The following DAB1 variants were observed in gnomAD, a reference collection of about 807,000 sequenced individuals.
The protein encoded by DAB1 is disabled homolog 1.
A neutral mutation model predicts 64.6 loss-of-function variants in DAB1; 15 were observed. The observed-to-expected ratio is 0.23, with a 90% CI of 0.16 to 0.36. The LOEUF is 0.36. Ranked by LOEUF, DAB1 falls within the 10% of genes least tolerant of loss-of-function variation. DAB1 has a pLI of 1.00. For synonymous variants in DAB1, 235 were observed against 251.9 expected (o/e 0.93, Z 0.64); for missense variants, 596 against 706.7 (o/e 0.84, Z 1.78).
chr1:57,792,762 A>T (rs1184164628), intron 6 of DAB1, among the ~76,000 whole-genome samples: 15 of 152,224 alleles, frequency 9.9e-5, no homozygotes, highest in Admixed American at 9.8e-4. Context: ...AATTGTTTAG[A>T]GAGCTTGGTT....
chr1:58,216,014 T>A (rs2100305700), intron 4 of DAB1, among the ~76,000 whole-genome samples: 1 of 152,290 alleles, frequency 6.6e-6, no homozygotes, highest in South Asian at 2.1e-4. Context: ...AACAGATGGA[T>A]GGATTGCAAC....
chr1:58,388,598 C>A (rs1177824478), intron 3 of DAB1, among the ~76,000 whole-genome samples: 1 of 152,212 alleles, frequency 6.6e-6, no homozygotes, highest in African/African-American at 2.4e-5. Context: ...TGCACTAGCT[C>A]AAGATCATCT....
intron 2 of DAB1, among the ~76,000 whole-genome samples, chr1:57,207,645 G>GT (rs1347314919): frequency 6.7e-6 from 1 of 149,692 alleles, no homozygotes; most frequent in East Asian, 2.0e-4. Context: ...GGGTTTCACC[G>GT]TTTTTAGCCG....
chr1:57,116,906 T>C (rs1188776688), intron 4 of DAB1, among the ~76,000 whole-genome samples: 1 of 152,214 alleles, frequency 6.6e-6, no homozygotes, highest in Non-Finnish European at 1.5e-5. Context: ...CATATATCTT[T>C]CAGTACAAAG....
intron 1 of DAB1, among the ~76,000 whole-genome samples, chr1:58,540,282 G>GA (rs142462867): frequency 0.14 from 20,054 of 144,736 alleles, 1,474 homozygotes; most frequent in African/African-American, 0.2. Flanking sequence ...TGCATCCCAG[G>GA]AAAAAAAAAA....
intron 1 of DAB1, chr1:57,866,473 C>A (rs191980665): frequency 6.6e-6 from 1 of 152,256 alleles, no homozygotes; most frequent in African/African-American, 2.4e-5. Context: ...GTTTGTCATT[C>A]TTTGAGTGCT....
At chr1:58,276,859 C>A (rs1378046912) in intron 4 of DAB1, among the ~76,000 whole-genome samples, 2 of 151,876 alleles carry the variant, frequency 1.3e-5, no homozygotes, top group Non-Finnish European at 2.9e-5. Context: ...TCATGTAGAT[C>A]ACGAGATCAT....
chr1:57,636,500 A>G (rs10889060), intron 7 of DAB1, among the ~76,000 whole-genome samples: 120,965 of 152,062 alleles, frequency 0.8, 48,356 homozygotes, highest in Non-Finnish European at 0.84. Flanking sequence ...TGAAAGCTAA[A>G]CAATCAGTCA....
At chr1:57,086,644 A>AACACACACACACACACACACAC (rs368060919) in intron 4 of DAB1, among the ~76,000 whole-genome samples, 2 of 118,530 alleles carry the variant, frequency 1.7e-5, no homozygotes, top group African/African-American at 6.6e-5. Context: ...TTCTGTCTTA[A>AACACACACACACACACACACAC]ACACACACAC....
chr1:57,116,461 C>CAAAAAAAAAAAAA (rs61590002), intron 4 of DAB1, among the ~76,000 whole-genome samples: 19 of 71,926 alleles, frequency 2.6e-4, no homozygotes, highest in African/African-American at 3.9e-4. Context: ...GACTCTGTCT[C>CAAAAAAAAAAAAA]AAAAAAAAAA....
chr1:57,061,929 T>G (rs1185953239), intron 9 of DAB1, among the ~76,000 whole-genome samples: 1 of 152,168 alleles, frequency 6.6e-6, no homozygotes, highest in Non-Finnish European at 1.5e-5. Context: ...GCACCTTCTC[T>G]GTCCACACAT....
At chr1:57,895,624 A>C (rs1313280196) in intron 5 of DAB1, among the ~76,000 whole-genome samples, 3 of 152,162 alleles carry the variant, frequency 2.0e-5, no homozygotes. Context: ...ACTCATTGAG[A>C]GGGAGACTCC....
At chr1:57,695,308 G>GAA (rs1646815117) in intron 6 of DAB1, among the ~76,000 whole-genome samples, 1 of 96,732 alleles carries the variant, frequency 1.0e-5, no homozygotes, top group Non-Finnish European at 2.0e-5. Context: ...AGGAAAGAAA[G>GAA]AAAGAAAGAA....
rs1031726968 is a variant in DAB1 at position 57,280,727 on chromosome 1, T to A, written c.67+10237A>T. On this transcript the variant is annotated intron_variant, in intron 2 of 14. Transcript: ENST00000371236. ...AGCACCAGACATGATTGGACACACA[T>A]CACAAAAGGAGAAGTAGCTGTCTGA... Among the ~76,000 whole-genome samples the A allele has an allele frequency of 2.0e-5, 3 of 152,214 alleles. No individual in the cohort carries two copies. In the South Asian group the frequency reaches 6.2e-4, roughly 32 times the overall value.
intron 4 of DAB1, among the ~76,000 whole-genome samples, chr1:58,247,354 C>T (rs1372184048): frequency 6.7e-6 from 1 of 148,924 alleles, no homozygotes. Flanking sequence ...CCAAAAAAAA[C>T]ACCTCCTCCA....
intron 3 of DAB1, among the ~76,000 whole-genome samples, chr1:58,490,900 G>T (rs1645673507): frequency 1.4e-5 from 2 of 142,512 alleles, no homozygotes; most frequent in Middle Eastern, 3.7e-3. Context: ...CTGCCTCCTG[G>T]GTTCACACCA....
At chr1:57,461,468 C>A (rs1404193727) in intron 7 of DAB1, among the ~76,000 whole-genome samples, 2 of 152,222 alleles carry the variant, frequency 1.3e-5, no homozygotes, top group Non-Finnish European at 2.9e-5. Context: ...CCTCCTCCCT[C>A]CATCTGACCC....
rs988467062 is a variant in DAB1, at chr1:58,358,393, G to C, written n.258-14990C>G. Among the ~76,000 whole-genome samples the C allele has an allele frequency of 5.9e-5, 9 of 152,242 alleles. No homozygotes were observed. The South Asian group carries it at 1.9e-3, about 32-fold the overall frequency. On this transcript the variant is annotated intron_variant and non_coding_transcript_variant, in intron 3 of 20. Transcript: ENST00000485760. ...ATTGCGCTTGACAAAGGAAAAGAAA[G>C]AAAGGAAGAAAGAAACAGGAGGGAG...
chr1:57,311,225 G>A (rs1464644132), intron 1 of DAB1, among the ~76,000 whole-genome samples: 1 of 152,062 alleles, frequency 6.6e-6, no homozygotes, highest in Non-Finnish European at 1.5e-5. Flanking sequence ...GGCTAGGCAG[G>A]ATGATGGAAC....
Sources: allele counts gnomAD v4.1 joint callset (sites outside exome capture counted in the v4.1 genomes callset), GRCh38; gene constraint gnomAD v4.1.1; transcripts MANE v1.5; gene names NCBI Gene and HGNC (gene_info 2026-07-23, HGNC 2026-07-21).